KIRREL3: variants seen among roughly 807,000 people sequenced by gnomAD.
KIRREL3 encodes the protein kin of IRRE-like protein 3.
KIRREL3 carries 36 observed loss-of-function variants against 89.7 expected under a neutral mutation model. That is an observed-to-expected ratio of 0.40 (90% CI 0.31 to 0.53). The LOEUF (loss-of-function observed/expected upper bound fraction) is 0.53. Ranked by LOEUF, KIRREL3 falls within the 20% of genes least tolerant of loss-of-function variation. The probability of loss-of-function intolerance (pLI) is 0.49; values close to 1 mark genes in which losing one functional copy is unlikely to be tolerated. For synonymous variants in KIRREL3, 445 were observed against 441.4 expected, an observed-to-expected ratio of 1.01 and a Z score of -0.10; for missense variants, 864 against 1,056.6, an observed-to-expected ratio of 0.82 and a Z score of 2.53.
chr11:126,517,010 G>A (rs1269249722), intron 4 of KIRREL3, among the ~76,000 whole-genome samples: 1 of 152,174 alleles, frequency 6.6e-6, no homozygotes, highest in Non-Finnish European at 1.5e-5. Context: ...GGAGGTTGCG[G>A]TGAGCTGAGA....
chr11:126,448,944 T>C, intron 8 of KIRREL3, 65 bp downstream of exon 8: 1 of 1,501,750 alleles, frequency 6.7e-7, no homozygotes, highest in South Asian at 1.3e-5. Flanking sequence ...CCCTGGTTTC[T>C]CCAGCTCTAA....
At position 126,905,895 on chromosome 11, in the gene KIRREL3, C is replaced by T. The variant is rs1312128282; in HGVS notation, c.55+94560G>A. ...CAGCCATGCAAAATTCCTGGTGCAG[C>T]ACAGCTAAGTGAGGATGCACGGAGG... On this transcript the variant is annotated intron_variant, in intron 1 of 16. Transcript: ENST00000525144. The surrounding 1 kb of genome is among the most constrained non-coding windows in gnomAD (Gnocchi z 5.0). 1.3e-5 allele frequency among the ~76,000 whole-genome samples: 2 copies of T among 152,174 alleles called. No homozygotes were observed. Among genetic ancestry groups the T allele is most frequent in the African/African-American group, 4.8e-5 (2 of 41,422 alleles).
intron 1 of KIRREL3, among the ~76,000 whole-genome samples, chr11:126,721,015 C>T (rs1412960287): frequency 6.6e-6 from 1 of 152,170 alleles, no homozygotes; most frequent in African/African-American, 2.4e-5. Context: ...GCTAATTGGG[C>T]ACCAGCCGAG....
intron 1 of KIRREL3, among the ~76,000 whole-genome samples, chr11:126,855,126 C>G (rs1447966231): frequency 1.3e-5 from 2 of 152,222 alleles, no homozygotes; most frequent in East Asian, 3.9e-4. Flanking sequence ...GTCAGAGAAA[C>G]TGCTCTTAGC....
In KIRREL3 at chr11:126,656,650, T is replaced by C. The variant is rs1945153185; in HGVS notation, c.56-93738A>G. 1.3e-5 allele frequency among the ~76,000 whole-genome samples: 2 copies of C among 152,246 alleles called. No homozygotes were observed. Among genetic ancestry groups the C allele is most frequent in the Non-Finnish European group, 1.5e-5 (1 of 68,044 alleles). On this transcript the variant is annotated intron_variant, in intron 1 of 16. Coordinates refer to ENST00000525144, the MANE Select transcript of KIRREL3 (RefSeq NM_032531.4). The surrounding 1 kb of genome is among the most constrained non-coding windows in gnomAD (Gnocchi z 4.0). Reference sequence around the variant, plus strand: ...TACCACCTTATACTGAGTAAGAAGATGAATTTGCACAGATTTCTCCCTGCA... The same window carrying C: ...TACCACCTTATACTGAGTAAGAAGACGAATTTGCACAGATTTCTCCCTGCA...
At chr11:126,933,925 A>G (rs919016706) in intron 1 of KIRREL3, among the ~76,000 whole-genome samples, 6 of 152,080 alleles carry the variant, frequency 3.9e-5, no homozygotes, top group African/African-American at 1.4e-4. Flanking sequence ...TAAAATCTCA[A>G]CAGGCTTTTT....
At chr11:126,660,513 T>C (rs906949513) in intron 1 of KIRREL3, among the ~76,000 whole-genome samples, 3 of 152,180 alleles carry the variant, frequency 2.0e-5, no homozygotes, top group African/African-American at 7.2e-5. Flanking sequence ...GCATGGCTAA[T>C]TGAGAACTGA....
intron 1 of KIRREL3, among the ~76,000 whole-genome samples, chr11:126,659,514 C>T (rs774001094): frequency 5.9e-5 from 9 of 152,196 alleles, no homozygotes; most frequent in Non-Finnish European, 1.0e-4. Flanking sequence ...TCCAGACCAC[C>T]TGATAAAGAC....
In KIRREL3 at chr11:126,575,729, G is replaced by A. The variant is rs890154748; in HGVS notation, c.56-12817C>T. On this transcript the variant is annotated intron_variant, in intron 1 of 16. Transcript: ENST00000525144. This position sits in a 1 kb window ranked among gnomAD's most constrained non-coding sequence, Gnocchi z 7.0. ...TGTTCAGCTCTCAGAGGAAGGGGCT[G>A]CCTGGTGGCTGTCCTGGGGCCGCTG... 2.0e-5 allele frequency among the ~76,000 whole-genome samples: 3 copies of A among 152,126 alleles called. No homozygotes were observed. Among genetic ancestry groups the A allele is most frequent in the African/African-American group, 7.2e-5 (3 of 41,400 alleles).
intron 1 of KIRREL3, among the ~76,000 whole-genome samples, chr11:126,972,159 A>G (rs1368582662): frequency 7.3e-6 from 1 of 136,354 alleles, no homozygotes; most frequent in Admixed American, 7.5e-5. Flanking sequence ...CCTATGCAAG[A>G]GGGTCTGGTA....
At position 126,785,547 on chromosome 11, in the gene KIRREL3, T is replaced by C. The variant is rs573061429; in HGVS notation, c.55+214908A>G. On this transcript the variant is annotated intron_variant, in intron 1 of 16. Coordinates refer to ENST00000525144, the MANE Select transcript of KIRREL3 (RefSeq NM_032531.4). ...CTGATGCAATGTAAGGGTCCTATTG[T>C]GTCCCTCCAAAATATAAAACAACAC... Among the ~76,000 whole-genome samples, 4 of 152,178 alleles carry C rather than the reference T, an allele frequency of 2.6e-5. No individual in the cohort carries two copies. In the South Asian group the frequency reaches 8.3e-4, roughly 32 times the overall value.
intron 1 of KIRREL3, among the ~76,000 whole-genome samples, chr11:126,784,070 G>A (rs568801691): frequency 4.3e-4 from 65 of 152,250 alleles, no homozygotes; most frequent in Non-Finnish European, 8.5e-4. Context: ...AATTGTGAAG[G>A]TCATAAAAAA....
chr11:126,838,682 C>T (rs1016772652), intron 1 of KIRREL3, among the ~76,000 whole-genome samples: 51 of 151,786 alleles, frequency 3.4e-4, no homozygotes, highest in African/African-American at 1.1e-3. Context: ...GTATTTTTTT[C>T]CTTTAATTCT....
In KIRREL3 at chr11:126,890,462, C is replaced by A. The variant is rs1945868804; in HGVS notation, c.55+109993G>T. On this transcript the variant is annotated intron_variant, in intron 1 of 16. Coordinates refer to ENST00000525144, the MANE Select transcript of KIRREL3 (RefSeq NM_032531.4). This position sits in a 1 kb window ranked among gnomAD's most constrained non-coding sequence, Gnocchi z 5.1. Reference sequence around the variant, plus strand: ...CTGAAAACTCCACGTGCTGGTCTGGCACTCTAATTGTCCAATCTGCTGCTC... The same window carrying A: ...CTGAAAACTCCACGTGCTGGTCTGGAACTCTAATTGTCCAATCTGCTGCTC... 6.6e-6 allele frequency among the ~76,000 whole-genome samples: 1 copy of A among 152,214 alleles called. No individual in the cohort carries two copies. Among genetic ancestry groups the A allele is most frequent in the Non-Finnish European group, 1.5e-5 (1 of 68,038 alleles).
rs1162260261 is a variant in KIRREL3 at position 126,797,167 on chromosome 11, G to A, written c.55+203288C>T. ...GCTTGGGGATGTGGCACTGAATTTG[G>A]GGCTGTGTTACTGTGCAGGGAATAT... On this transcript the variant is annotated intron_variant, in intron 1 of 16. Coordinates refer to ENST00000525144, the MANE Select transcript of KIRREL3 (RefSeq NM_032531.4). This position sits in a 1 kb window ranked among gnomAD's most constrained non-coding sequence, Gnocchi z 4.9. Among the ~76,000 whole-genome samples the A allele has an allele frequency of 6.6e-6, 1 of 152,170 alleles. No individual in the cohort carries two copies. The highest frequency in any genetic ancestry group is 1.5e-5 in the Non-Finnish European group (1 of 68,022).
chr11:126,603,090 A>G (rs1248051979), intron 1 of KIRREL3, among the ~76,000 whole-genome samples: 1 of 152,026 alleles, frequency 6.6e-6, no homozygotes, highest in African/African-American at 2.4e-5. Context: ...GGTCTGCCAC[A>G]CTCCAAAAAA....
In KIRREL3 at chr11:126,696,682, G is replaced by C. The variant is rs891154383; in HGVS notation, c.56-133770C>G. On this transcript the variant is annotated intron_variant, in intron 1 of 16. Transcript: ENST00000525144. This position sits in a 1 kb window ranked among gnomAD's most constrained non-coding sequence, Gnocchi z 4.4. ...CAAACCACATCGCATGGCTCATAAG[G>C]CCCTTGGCGAGTTGACATCAGGCTC... Among the ~76,000 whole-genome samples the C allele has an allele frequency of 1.3e-5, 2 of 152,104 alleles. No homozygotes were observed. The highest frequency in any genetic ancestry group is 4.8e-5 in the African/African-American group (2 of 41,408).
In KIRREL3 at chr11:126,803,285, G is replaced by GA. The variant is rs560677416; in HGVS notation, c.55+197169dup. The stretch of plus-strand genomic sequence containing the variant: ...GATGAACACAACTGAGCTGGGCCCT[G>GA]AAAATGAGGAACAGAGATCACCAGG... On this transcript the variant is annotated intron_variant, in intron 1 of 16. Coordinates refer to ENST00000525144, the MANE Select transcript of KIRREL3 (RefSeq NM_032531.4). Among the ~76,000 whole-genome samples, 104 of 152,272 alleles carry GA rather than the reference G, an allele frequency of 6.8e-4. 2 individuals are homozygous for GA. The East Asian group carries it at 0.018, about 26-fold the overall frequency.
Position 126,601,319 on chromosome 11 carries a change from A to T in KIRREL3, c.56-38407T>A, listed in dbSNP as rs1942645679. 6.6e-6 allele frequency among the ~76,000 whole-genome samples: 1 copy of T among 152,182 alleles called. No homozygotes were observed. The highest frequency in any genetic ancestry group is 2.4e-5 in the African/African-American group (1 of 41,444). Reference sequence around the variant, plus strand: ...GAGAGACTGAGCGGCAGCCGTGGGCATCTTGGGTTTTGCAGCTCAGCCCTG... The same window carrying T: ...GAGAGACTGAGCGGCAGCCGTGGGCTTCTTGGGTTTTGCAGCTCAGCCCTG... On this transcript the variant is annotated intron_variant, in intron 1 of 16. Coordinates refer to ENST00000525144, the MANE Select transcript of KIRREL3 (RefSeq NM_032531.4). The surrounding 1 kb of genome is among the most constrained non-coding windows in gnomAD (Gnocchi z 5.8).
Sources: gnomAD v4.1 joint callset for allele counts (sites outside exome capture counted in the v4.1 genomes callset) on GRCh38, gnomAD v4.1.1 for gene constraint, Gnocchi (gnomAD v3.1) non-coding constraint, MANE v1.5 for transcripts, NCBI Gene and HGNC (gene_info 2026-07-23, HGNC 2026-07-21) for gene names.